Variants in LOC122539214 observed in about 807,000 individuals in gnomAD.
chr19:52,683,287 C>T, the LOC122539214 span, among the ~76,000 whole-genome samples: 1 of 144,976 alleles, frequency 6.9e-6, no homozygotes, highest in Non-Finnish European at 1.5e-5. Context: ...TGTGTATGCT[C>T]ACGTGTTGTG....
chr19:52,659,853 G>C, the LOC122539214 span, among the ~76,000 whole-genome samples: 9 of 152,106 alleles, frequency 5.9e-5, no homozygotes, highest in African/African-American at 2.2e-4. Flanking sequence ...ACAGCCAAAA[G>C]AAGAGCTAAC....
At chr19:52,679,067 C>T in the LOC122539214 span, among the ~76,000 whole-genome samples, 2 of 151,822 alleles carry the variant, frequency 1.3e-5, no homozygotes, top group East Asian at 3.9e-4. Context: ...ATATCTGTTA[C>T]AGGGTTGATT....
the LOC122539214 span, among the ~76,000 whole-genome samples, chr19:52,672,609 T>G: frequency 2.1e-4 from 32 of 152,296 alleles, no homozygotes; most frequent in African/African-American, 5.3e-4. Context: ...AGTTACTTAT[T>G]TATTTTTGAG....
chr19:52,685,612 G>A, the LOC122539214 span, among the ~76,000 whole-genome samples: 13 of 151,952 alleles, frequency 8.6e-5, no homozygotes, highest in African/African-American at 2.7e-4. Context: ...AGAATATATG[G>A]GTGGTCAGGC....
At chr19:52,678,449 CAA>C in the LOC122539214 span, among the ~76,000 whole-genome samples, 5 of 109,690 alleles carry the variant, frequency 4.6e-5, no homozygotes, top group Admixed American at 1.0e-4. Flanking sequence ...GACTTCATCT[CAA>C]AAAAAAAAAA....
the LOC122539214 span, among the ~76,000 whole-genome samples, chr19:52,680,833 C>T: frequency 6.7e-6 from 1 of 150,252 alleles, no homozygotes; most frequent in Non-Finnish European, 1.5e-5. Context: ...AGGATGGTCT[C>T]GATCTCCTGA....
At chr19:52,653,683 C>A in the LOC122539214 span, among the ~76,000 whole-genome samples, 1 of 152,130 alleles carries the variant, frequency 6.6e-6, no homozygotes, top group Non-Finnish European at 1.5e-5. Context: ...TCTATGATGG[C>A]GTGTAAGAGA....
chr19:52,654,492 G>A, the LOC122539214 span: 1 of 523,746 alleles, frequency 1.9e-6, no homozygotes, highest in South Asian at 5.6e-5. Flanking sequence ...TACACAAAAA[G>A]CAATACTTAT....
chr19:52,690,006 G>T, the LOC122539214 span, among the ~76,000 whole-genome samples: 4 of 152,144 alleles, frequency 2.6e-5, no homozygotes. Flanking sequence ...GACAAGGGTG[G>T]GGTCTGCAGG....
chr19:52,663,324 C>T, the LOC122539214 span, among the ~76,000 whole-genome samples: 1 of 152,124 alleles, frequency 6.6e-6, no homozygotes, highest in Non-Finnish European at 1.5e-5. Context: ...TTGTGAACCC[C>T]TAGCTATAGG....
At chr19:52,650,916 A>G in the LOC122539214 span, 3 of 152,208 alleles carry the variant, frequency 2.0e-5, no homozygotes, top group Non-Finnish European at 4.4e-5. Flanking sequence ...GAAGGAAGCT[A>G]CAAGTTCCTC....
chr19:52,670,380 G>C, the LOC122539214 span, among the ~76,000 whole-genome samples: 1 of 152,152 alleles, frequency 6.6e-6, no homozygotes, highest in African/African-American at 2.4e-5. Flanking sequence ...AGCAGCAAGG[G>C]CCATGTGCAT....
chr19:52,670,355 A>G, the LOC122539214 span, among the ~76,000 whole-genome samples: 1 of 152,194 alleles, frequency 6.6e-6, no homozygotes, highest in Non-Finnish European at 1.5e-5. Context: ...ACCCTCGCCA[A>G]TAGGGGAATG....
At chr19:52,661,646 T>G in the LOC122539214 span, among the ~76,000 whole-genome samples, 2 of 152,140 alleles carry the variant, frequency 1.3e-5, no homozygotes, top group African/African-American at 4.8e-5. Context: ...AGGGTTGAGC[T>G]CCACTCAGAG....
chr19:52,682,327 G>T, the LOC122539214 span, among the ~76,000 whole-genome samples: 1 of 152,148 alleles, frequency 6.6e-6, no homozygotes, highest in Non-Finnish European at 1.5e-5. Flanking sequence ...CAAGGCTATA[G>T]TGAGCTATGA....
chr19:52,679,403 G>C, the LOC122539214 span, among the ~76,000 whole-genome samples: 3 of 152,168 alleles, frequency 2.0e-5, no homozygotes, highest in Non-Finnish European at 4.4e-5. Context: ...CTGTGGTCAG[G>C]AGTTCAAGAC....
At chr19:52,670,024 T>C in the LOC122539214 span, among the ~76,000 whole-genome samples, 415 of 152,342 alleles carry the variant, frequency 2.7e-3, 3 homozygotes, top group Non-Finnish European at 4.0e-3. Context: ...TAAGTCAGTA[T>C]GTTCAATTCT....
the LOC122539214 span, among the ~76,000 whole-genome samples, chr19:52,676,247 T>G: frequency 6.6e-6 from 1 of 152,158 alleles, no homozygotes. Flanking sequence ...CCTCCCGAGG[T>G]GCCGGGATTG....
At chr19:52,690,224 G>A in the LOC122539214 span, among the ~76,000 whole-genome samples, 1 of 151,708 alleles carries the variant, frequency 6.6e-6, no homozygotes, top group East Asian at 1.9e-4. Flanking sequence ...GATAGGAAGT[G>A]TATACATTGC....
Sources: gnomAD v4.1 joint callset for allele counts (sites outside exome capture counted in the v4.1 genomes callset) on GRCh38, gnomAD v4.1.1 for gene constraint, MANE v1.5 for transcripts.